ASH1L: variants seen among roughly 807,000 people sequenced by gnomAD.
ASH1L encodes histone-lysine N-methyltransferase ASH1L.
Under a neutral mutation model 269.0 loss-of-function variants are expected in ASH1L, and 23 were observed. The observed-to-expected ratio is 0.09, with a 90% CI of 0.06 to 0.12. ASH1L has a LOEUF of 0.12. ASH1L is among the 10% of genes least tolerant of loss of function. The pLI, the probability that ASH1L is intolerant of heterozygous loss-of-function variation, is 1.00. For synonymous variants in ASH1L, 1,187 were observed against 1,253.5 expected, an observed-to-expected ratio of 0.95 and a Z score of 1.12; for missense variants, 2,912 against 3,567.8, an observed-to-expected ratio of 0.82 and a Z score of 4.68.
chr1:155,413,780 T>C (rs912196655), intron 6 of ASH1L, among the ~76,000 whole-genome samples: 2 of 152,104 alleles, frequency 1.3e-5, no homozygotes, highest in African/African-American at 4.8e-5. Context: ...GGAGCCTAGG[T>C]CCCTGAAGAC....
intron 2 of ASH1L, among the ~76,000 whole-genome samples, chr1:155,504,723 A>G (rs111722637): frequency 0.056 from 8,481 of 151,936 alleles, 801 homozygotes; most frequent in African/African-American, 0.2. Flanking sequence ...GCATGGTGGC[A>G]CACAACTGTA....
Position 155,438,996 on chromosome 1 carries a change from C to G in ASH1L, c.5159G>C (p.Arg1720Pro). 6.2e-7 allele frequency: 1 copy of G among 1,614,140 alleles called. No individual in the cohort carries two copies. Among genetic ancestry groups the G allele is most frequent in the Non-Finnish European group, 8.5e-7 (1 of 1,180,026 alleles). The change falls in exon 5 of 28, where the codon CGG becomes CCG. Residue 1720 changes from arginine (R) to proline (P), a missense_variant. This residue lies in a region of ASH1L where 789 missense variants were observed against 897.6 expected (regional missense o/e 0.88). Coordinates refer to ENST00000392403, the MANE Select transcript of ASH1L (RefSeq NM_018489.3). Reference protein sequence around the residue: ...GDDSVDSLLQRMVQNEDQEPM... With the variant: ...GDDSVDSLLQPMVQNEDQEPM... ...CTCTTGGTCCTCATTTTGTACCATC[C>G]GCTGCAGCAGACTATCCACAGAGTC... is the stretch of plus-strand genomic sequence containing the variant.
intron 4 of ASH1L, among the ~76,000 whole-genome samples, 171 bp from the exon 5 acceptor site, chr1:155,439,239 C>A (rs1370386788): frequency 1.1e-4 from 16 of 151,746 alleles, no homozygotes; most frequent in Non-Finnish European, 2.9e-5. Context: ...CAAGATAAAA[C>A]CAAAGTTGGC....
chr1:155,455,833 A>T (rs1280372555), intron 4 of ASH1L, among the ~76,000 whole-genome samples: 1 of 152,230 alleles, frequency 6.6e-6, no homozygotes, highest in Non-Finnish European at 1.5e-5. Flanking sequence ...GGAGAGGCAG[A>T]GAATTAGTAA....
chr1:155,516,768 A>C (rs1668528715), intron 2 of ASH1L, among the ~76,000 whole-genome samples: 1 of 152,134 alleles, frequency 6.6e-6, no homozygotes, highest in Admixed American at 6.5e-5. Context: ...CTAAAAAAAA[A>C]TTAAAATTAA....
In ASH1L at chr1:155,481,168, T is replaced by C; in HGVS notation, c.1702A>G (p.Thr568Ala). 2 of 1,613,992 alleles carry C rather than the reference T, an allele frequency of 1.2e-6. No homozygotes were observed. The highest frequency in any genetic ancestry group is 1.7e-6 in the Non-Finnish European group (2 of 1,179,970). Residue 568 changes from threonine (T) to alanine (A), a missense_variant, in exon 3 of 28, where the codon ACC (threonine) becomes GCC (alanine). This residue lies in a region of ASH1L where 715 missense variants were observed against 721.0 expected (regional missense o/e 0.99). Transcript: ENST00000392403. ...PSPTVSVNPL[T>A]RSPPETSSQL... ...GAAGAAGTTTCAGGGGGACTTCTGG[T>C]TAAAGGATTAACAGATACAGTAGGT... is the stretch of plus-strand genomic sequence containing the variant.
At chr1:155,486,833 C>T (rs1168318260) in intron 2 of ASH1L, among the ~76,000 whole-genome samples, 4 of 151,020 alleles carry the variant, frequency 2.6e-5, no homozygotes, top group South Asian at 2.1e-4. Context: ...TATGATTACA[C>T]GCAATACCAT....
intron 26 of ASH1L, 43 bp downstream of exon 26, chr1:155,339,285 T>C (rs1652564663): frequency 4.4e-6 from 7 of 1,581,974 alleles, no homozygotes; most frequent in Admixed American, 3.3e-5. Flanking sequence ...TTCAAGCTCT[T>C]AGTCAATCCC....
At chr1:155,532,716 A>G (rs1230488243) in intron 1 of ASH1L, among the ~76,000 whole-genome samples, 1 of 151,488 alleles carries the variant, frequency 6.6e-6, no homozygotes, top group Non-Finnish European at 1.5e-5. Flanking sequence ...CCAGCTACTC[A>G]GGAGGCTGAG....
rs1271551038 is a variant in ASH1L, at chr1:155,545,168, ATCTC to A, written c.-100+16981_-100+16984del. Reference sequence around the variant, plus strand: ...GCCTGGGCAAGAAGAGCAAAACTCCATCTCACCAAAAAAAAAAAAAAAAAAAAAA... The same window carrying A: ...GCCTGGGCAAGAAGAGCAAAACTCCAACCAAAAAAAAAAAAAAAAAAAAAA... On this transcript the variant is annotated intron_variant, in intron 1 of 27. Transcript: ENST00000392403. Among the ~76,000 whole-genome samples, 3 of 102,636 alleles carry A rather than the reference ATCTC, an allele frequency of 2.9e-5. No individual in the cohort carries two copies. The East Asian group carries it at 7.8e-4, about 27-fold the overall frequency. 67.3% of individuals were successfully genotyped at this position (102,636 alleles called of 152,430 possible). A position where few individuals can be genotyped will look rare whatever the true frequency, so the allele number is the denominator to read the frequency against.
At chr1:155,504,798 G>A (rs1667710896) in intron 2 of ASH1L, among the ~76,000 whole-genome samples, 1 of 149,518 alleles carries the variant, frequency 6.7e-6, no homozygotes, top group African/African-American at 2.5e-5. Context: ...AGGTTGCAGT[G>A]AGCTGAGATA....
At chr1:155,477,753 T>C (rs931549847) in intron 3 of ASH1L, 133 bp downstream of exon 3, 7 of 842,882 alleles carry the variant, frequency 8.3e-6, no homozygotes, top group Admixed American at 5.8e-5. Context: ...AAAGGAATAC[T>C]GAGATTTCAA....
intron 1 of ASH1L, among the ~76,000 whole-genome samples, chr1:155,549,362 A>G (rs780712163): frequency 3.3e-5 from 5 of 152,018 alleles, no homozygotes; most frequent in Non-Finnish European, 5.9e-5. Context: ...TTTTGGCCAG[A>G]CACAGTGGCT....
chr1:155,394,002 T>C lies in ASH1L; in HGVS notation c.6103+1457A>G, dbSNP rs564426420. On this transcript the variant is annotated intron_variant, in intron 7 of 27. Coordinates refer to ENST00000392403, the MANE Select transcript of ASH1L (RefSeq NM_018489.3). ...AGGAGCCAAATAAATATTGTAATTATAGATATAGAGAGTGATGTTATCTAG... is the reference window on the plus strand; with the variant it reads ...AGGAGCCAAATAAATATTGTAATTACAGATATAGAGAGTGATGTTATCTAG... Among the ~76,000 whole-genome samples the C allele has an allele frequency of 3.5e-4, 54 of 152,280 alleles. No homozygotes were observed. In the Middle Eastern group the frequency reaches 0.014, roughly 38 times the overall value.
intron 1 of ASH1L, among the ~76,000 whole-genome samples, chr1:155,528,247 GA>G (rs1259265794): frequency 6.6e-6 from 1 of 152,098 alleles, no homozygotes; most frequent in African/African-American, 2.4e-5. Context: ...ATTCCAAAGA[GA>G]AATATTTAGG....
chr1:155,499,385 A>G (rs1440589063), intron 2 of ASH1L, among the ~76,000 whole-genome samples: 2 of 152,170 alleles, frequency 1.3e-5, no homozygotes. Flanking sequence ...CTTCATCTAT[A>G]GTCTTTCTCA....
intron 2 of ASH1L, among the ~76,000 whole-genome samples, chr1:155,519,851 G>A (rs1443682093): frequency 1.3e-5 from 2 of 151,864 alleles, no homozygotes; most frequent in Non-Finnish European, 2.9e-5. Context: ...TAGAGACGGG[G>A]TTTCATCATG....
At chr1:155,376,509 C>T (rs1015354372) in intron 10 of ASH1L, among the ~76,000 whole-genome samples, 1 of 152,008 alleles carries the variant, frequency 6.6e-6, no homozygotes, top group Non-Finnish European at 1.5e-5. Flanking sequence ...ATTTCAGTGC[C>T]GTTTAAAATT....
chr1:155,412,230 C>T (rs181957788), intron 6 of ASH1L, among the ~76,000 whole-genome samples: 9 of 145,816 alleles, frequency 6.2e-5, no homozygotes, highest in South Asian at 2.2e-4. Context: ...CAACAGAGCA[C>T]GACTCCGTCT....
Sources: gnomAD v4.1 joint callset for allele counts (sites outside exome capture counted in the v4.1 genomes callset) on GRCh38, gnomAD v4.1.1 for gene constraint, gnomAD v4.1.1 regional missense constraint, MANE v1.5 for transcripts, NCBI Gene and HGNC (gene_info 2026-07-23, HGNC 2026-07-21) for gene names.